The following SRGAP1 variants were observed in gnomAD, a reference collection of about 807,000 sequenced individuals.
SRGAP1 encodes SLIT-ROBO Rho GTPase activating protein 1, also known as SLIT-ROBO Rho GTPase-activating protein 1.
Under a neutral mutation model 121.9 loss-of-function variants are expected in SRGAP1, and 43 were observed. The ratio of observed to expected loss-of-function variants is 0.35; its 90% confidence interval spans 0.28 to 0.46. The LOEUF is 0.46. Among genes scored for constraint, SRGAP1 ranks in the 20% least tolerant of loss-of-function variants. SRGAP1 has a pLI of 1.00. For missense variants in SRGAP1, 1,102 were observed against 1,350.9 expected, an observed-to-expected ratio of 0.82 and a Z score of 2.89; for synonymous variants, 447 against 485.4, an observed-to-expected ratio of 0.92 and a Z score of 1.04.
chr12:63,886,986 G>T (rs987808472), intron 1 of SRGAP1, among the ~76,000 whole-genome samples: 1 of 152,082 alleles, frequency 6.6e-6, no homozygotes, highest in African/African-American at 2.4e-5. Context: ...CAATTCTTCT[G>T]CTTCAGTCTA....
Position 64,091,376 on chromosome 12 carries a change from A to G in SRGAP1, c.1537A>G (p.Lys513Glu). ...TAATGGGGATTTGGAAACATTCGTC[A>G]AGGTACTGGCACCAGCCATCTGGGT... ...LFNGDLETFV[K>E]DSGQVIPLIV... The change falls in exon 12 of 22, where the codon AAG becomes GAG. Residue 513 changes from lysine (K) to glutamate (E), a missense_variant and splice_region_variant. Around this residue, in one of 3 missense-constraint regions of SRGAP1, gnomAD observed 747 missense variants for 929.4 expected, o/e 0.80. Coordinates refer to ENST00000355086, the MANE Select transcript of SRGAP1 (RefSeq NM_020762.4). 1 of 1,604,086 alleles carries G rather than the reference A, an allele frequency of 6.2e-7. No individual in the cohort carries two copies.
intron 4 of SRGAP1, among the ~76,000 whole-genome samples, chr12:64,040,573 C>G (rs1251243240): frequency 6.6e-6 from 1 of 152,102 alleles, no homozygotes; most frequent in Non-Finnish European, 1.5e-5. Context: ...CACAGGTTTT[C>G]GAATTCACCC....
chr12:64,105,862 A>T (rs1487851629), intron 15 of SRGAP1, among the ~76,000 whole-genome samples: 1 of 152,216 alleles, frequency 6.6e-6, no homozygotes, highest in Non-Finnish European at 1.5e-5. Context: ...CTCCAGAGTG[A>T]CTTGCTGTCT....
At chr12:63,940,046 C>G (rs930024721) in intron 1 of SRGAP1, among the ~76,000 whole-genome samples, 3 of 152,034 alleles carry the variant, frequency 2.0e-5, no homozygotes, top group African/African-American at 4.8e-5. Flanking sequence ...ACTACAACCT[C>G]TACCTCCCGG....
At chr12:63,927,529 C>A (rs771125414) in intron 1 of SRGAP1, among the ~76,000 whole-genome samples, 2 of 152,190 alleles carry the variant, frequency 1.3e-5, no homozygotes, top group African/African-American at 2.4e-5. Flanking sequence ...GTGGCCCAGT[C>A]CGTTAGGTCA....
chr12:64,047,016 A>C (rs989276249), intron 6 of SRGAP1, among the ~76,000 whole-genome samples: 1 of 152,178 alleles, frequency 6.6e-6, no homozygotes, highest in Admixed American at 6.6e-5. Flanking sequence ...ATACATTTTT[A>C]ACTTCCAGAT....
chr12:63,868,065 T>A (rs1317817891), intron 1 of SRGAP1, among the ~76,000 whole-genome samples: 50 of 101,214 alleles, frequency 4.9e-4, no homozygotes, highest in Non-Finnish European at 6.0e-4. Context: ...TATTTTTTTT[T>A]TTTTTTTTTT....
chr12:63,873,482 G>A (rs1437453471), intron 1 of SRGAP1, among the ~76,000 whole-genome samples: 3 of 147,798 alleles, frequency 2.0e-5, no homozygotes, highest in African/African-American at 5.0e-5. Flanking sequence ...GCAGTGAGCC[G>A]AGATTGAGCC....
At chr12:63,871,812 A>G in intron 1 of SRGAP1, 2 of 1,365,776 alleles carry the variant, frequency 1.5e-6, no homozygotes, top group Non-Finnish European at 2.1e-6. Context: ...GTTAATGGCC[A>G]GCATCCTCTT....
At position 64,062,996 on chromosome 12, in the gene SRGAP1, C is replaced by G. The variant is rs1322131270; in HGVS notation, c.881C>G (p.Ser294Cys). ...TCTGCGGAGTACAACCTTGAAACCT[C>G]CAGACATGAGGGCTTAGACATTATT... Reference protein sequence around the residue: ...YLSAEYNLETSRHEGLDIIEN... With the variant: ...YLSAEYNLETCRHEGLDIIEN... The change falls in exon 7 of 22, where the codon TCC (serine) becomes TGC (cysteine). Residue 294 changes from serine to cysteine, a missense_variant. Physicochemically the swap from Ser to Cys is moderately radical, Grantham distance 112 (BLOSUM62 -1). Around this residue, in one of 3 missense-constraint regions of SRGAP1, gnomAD observed 747 missense variants for 929.4 expected, o/e 0.80. Transcript: ENST00000355086. 1.2e-6 allele frequency: 2 copies of G among 1,613,882 alleles called. No homozygotes were observed. Among genetic ancestry groups the G allele is most frequent in the African/African-American group, 2.7e-5 (2 of 74,906 alleles).
intron 3 of SRGAP1, among the ~76,000 whole-genome samples, chr12:63,996,193 C>G (rs1372327990): frequency 6.6e-6 from 1 of 151,830 alleles, no homozygotes; most frequent in Admixed American, 6.6e-5. Context: ...ACACTAACTA[C>G]TTTTAAATTT....
intron 1 of SRGAP1, among the ~76,000 whole-genome samples, chr12:63,889,996 TC>T (rs1474191582): frequency 3.9e-5 from 6 of 152,352 alleles, no homozygotes; most frequent in Non-Finnish European, 8.8e-5. Flanking sequence ...ATCTGTTTGT[TC>T]CATGACATGT....
intron 8 of SRGAP1, among the ~76,000 whole-genome samples, chr12:64,065,734 A>G (rs148058963): frequency 6.6e-6 from 1 of 152,280 alleles, no homozygotes; most frequent in East Asian, 1.9e-4. Flanking sequence ...ATGTTAATTT[A>G]ATCCTAACTT....
chr12:64,016,958 G>T lies in SRGAP1; in HGVS notation c.435G>T (p.Glu145Asp), dbSNP rs1043335639. The change falls in exon 4 of 22, where the codon GAG (glutamate) becomes GAT (aspartate). Residue 145 changes from glutamate to aspartate, a missense_variant. Glu to Asp is a conservative substitution (Grantham distance 45). Coordinates refer to ENST00000355086, the MANE Select transcript of SRGAP1 (RefSeq NM_020762.4). ...TTATTTTCTAATTACAGAGCAAAGA[G>T]ATTGCATTCCAACTTCATGAGGATT... is the stretch of plus-strand genomic sequence containing the variant. ...DSTRMFKKSK[E>D]IAFQLHEDLM... 1.3e-6 allele frequency: 2 copies of T among 1,528,482 alleles called. No homozygotes were observed. The highest frequency in any genetic ancestry group is 1.8e-6 in the Non-Finnish European group (2 of 1,109,790). The allele number at this position is 1,528,482 out of a possible 1,614,324, so 94.7% of individuals were successfully genotyped here.
intron 1 of SRGAP1, among the ~76,000 whole-genome samples, chr12:63,847,431 G>A (rs1898938165): frequency 6.6e-6 from 1 of 152,128 alleles, no homozygotes; most frequent in Non-Finnish European, 1.5e-5. Context: ...TATTGCTAAA[G>A]GAAAACCTGA....
Position 64,080,652 on chromosome 12 carries a change from G to A in SRGAP1, c.1408+282G>A, listed in dbSNP as rs545443329. On this transcript the variant is annotated intron_variant, in intron 10 of 21. Transcript: ENST00000355086. ...TCTTCAGAGTGTGGTGCTCCTGATC[G>A]TAGAAAAGTCTGGAAACACTGCCCC... is the stretch of plus-strand genomic sequence containing the variant. 46 of 473,166 alleles carry A rather than the reference G, an allele frequency of 9.7e-5. No homozygotes were observed. The East Asian group carries it at 1.3e-3, about 13-fold the overall frequency. The allele number at this position is 473,166 out of a possible 1,614,324, so 29.3% of individuals were successfully genotyped here.
At chr12:63,861,946 C>T (rs989422108) in intron 1 of SRGAP1, among the ~76,000 whole-genome samples, 1 of 152,128 alleles carries the variant, frequency 6.6e-6, no homozygotes, top group Non-Finnish European at 1.5e-5. Context: ...ACATGGTAAA[C>T]CCCGTCTCTG....
At chr12:63,846,833 CAG>C (rs1461256638) in intron 1 of SRGAP1, among the ~76,000 whole-genome samples, 2 of 152,182 alleles carry the variant, frequency 1.3e-5, no homozygotes, top group Non-Finnish European at 2.9e-5. Context: ...ATCATGGAGT[CAG>C]ATCATATACG....
intron 4 of SRGAP1, among the ~76,000 whole-genome samples, chr12:64,022,156 GGTGT>G (rs146646054): frequency 6.6e-6 from 1 of 150,798 alleles, no homozygotes; most frequent in African/African-American, 2.4e-5. Flanking sequence ...CAACAGAATG[GGTGT>G]GTGTGTGTGT....
Sources: allele counts gnomAD v4.1 joint callset (sites outside exome capture counted in the v4.1 genomes callset), GRCh38; gene constraint gnomAD v4.1.1; regional missense constraint gnomAD v4.1.1; transcripts MANE v1.5; gene names NCBI Gene and HGNC (gene_info 2026-07-23, HGNC 2026-07-21).